Variants in ARFIP1 observed in about 807,000 individuals in gnomAD.
ARFIP1 encodes the protein arfaptin-1.
Under a neutral mutation model 42.5 loss-of-function variants are expected in ARFIP1, and 24 were observed. The observed-to-expected ratio is 0.57, with a 90% CI of 0.41 to 0.80. The LOEUF (loss-of-function observed/expected upper bound fraction) is 0.80. Ranked by LOEUF, ARFIP1 falls within the 30% of genes least tolerant of loss-of-function variation. ARFIP1 has a pLI of 0.00. For missense variants in ARFIP1, 354 were observed against 434.0 expected, an observed-to-expected ratio of 0.82 and a Z score of 1.64; for synonymous variants, 141 against 153.7, an observed-to-expected ratio of 0.92 and a Z score of 0.61.
chr4:152,887,800 T>C (rs889721037), intron 7 of ARFIP1, among the ~76,000 whole-genome samples: 2 of 152,086 alleles, frequency 1.3e-5, no homozygotes, highest in Non-Finnish European at 2.9e-5. Flanking sequence ...TAATCAGTAC[T>C]AAGCAATTCA....
chr4:152,861,114 A>C, intron 2 of ARFIP1, among the ~76,000 whole-genome samples: 1 of 152,224 alleles, frequency 6.6e-6, no homozygotes. Flanking sequence ...TGTGTACTTA[A>C]TTTAAAATCA....
intron 1 of ARFIP1, among the ~76,000 whole-genome samples, chr4:152,795,819 A>ATTTTTTT (rs1255846759): frequency 1.8e-4 from 3 of 16,774 alleles, no homozygotes; most frequent in Non-Finnish European, 3.5e-4. Context: ...GGGCCCTTGT[A>ATTTTTTT]ATTTTTTTTT....
At chr4:152,849,091 T>C (rs1732784504) in intron 2 of ARFIP1, among the ~76,000 whole-genome samples, 1 of 152,208 alleles carries the variant, frequency 6.6e-6, no homozygotes, top group Non-Finnish European at 1.5e-5. Context: ...TAGGCTATAC[T>C]TTTAATACTA....
intron 2 of ARFIP1, among the ~76,000 whole-genome samples, chr4:152,855,421 T>C (rs548295467): frequency 4.6e-5 from 7 of 152,274 alleles, no homozygotes; most frequent in Non-Finnish European, 7.4e-5. Flanking sequence ...GCACTTCCAC[T>C]GGAGAGGGTG....
At chr4:152,875,676 TA>T (rs1735271164) in intron 5 of ARFIP1, among the ~76,000 whole-genome samples, 2 of 152,162 alleles carry the variant, frequency 1.3e-5, no homozygotes, top group Non-Finnish European at 2.9e-5. Context: ...ATTGTTGCCA[TA>T]AGTTTATTCT....
At chr4:152,836,357 A>G (rs745517709) in intron 2 of ARFIP1, among the ~76,000 whole-genome samples, 9 of 152,348 alleles carry the variant, frequency 5.9e-5, no homozygotes, top group Middle Eastern at 3.4e-3. Flanking sequence ...ATCCTTTCAT[A>G]GTATAAATGT....
intron 8 of ARFIP1, among the ~76,000 whole-genome samples, chr4:152,900,597 A>G (rs1282816686): frequency 1.3e-4 from 20 of 152,204 alleles, no homozygotes; most frequent in Admixed American, 1.2e-3. Context: ...TAGTTGCTTT[A>G]ACATGACAGG....
chr4:152,841,864 T>C (rs1402456243), intron 2 of ARFIP1, among the ~76,000 whole-genome samples: 2 of 152,156 alleles, frequency 1.3e-5, no homozygotes, highest in East Asian at 1.9e-4. Context: ...CATGCTCCGA[T>C]GTTAATGACA....
intron 2 of ARFIP1, among the ~76,000 whole-genome samples, chr4:152,839,528 A>C (rs1578905624): frequency 6.6e-6 from 1 of 152,174 alleles, no homozygotes. Flanking sequence ...TTTTCCAGAA[A>C]TGTATCCACC....
chr4:152,860,595 AACT>A (rs898091871), intron 2 of ARFIP1, among the ~76,000 whole-genome samples: 29 of 152,330 alleles, frequency 1.9e-4, no homozygotes, highest in African/African-American at 6.7e-4. Context: ...TTTTGCTTTC[AACT>A]ACTATTAGTA....
intron 1 of ARFIP1, among the ~76,000 whole-genome samples, chr4:152,797,228 C>T (rs1731523644): frequency 6.6e-6 from 1 of 152,112 alleles, no homozygotes; most frequent in Non-Finnish European, 1.5e-5. Flanking sequence ...TTGAAAAGTC[C>T]ATCTGTACTT....
At chr4:152,838,135 C>T (rs183835997) in intron 2 of ARFIP1, among the ~76,000 whole-genome samples, 140 of 152,206 alleles carry the variant, frequency 9.2e-4, no homozygotes, top group African/African-American at 3.1e-3. Context: ...CATTGGTCTA[C>T]ATGCCTATCT....
chr4:152,836,349 C>T (rs1005967253), intron 2 of ARFIP1, among the ~76,000 whole-genome samples: 1 of 152,018 alleles, frequency 6.6e-6, no homozygotes, highest in Non-Finnish European at 1.5e-5. Context: ...GATTGGTAAT[C>T]CTTTCATAGT....
intron 2 of ARFIP1, among the ~76,000 whole-genome samples, chr4:152,855,719 A>C (rs1343637792): frequency 6.6e-6 from 1 of 152,154 alleles, no homozygotes; most frequent in Non-Finnish European, 1.5e-5. Flanking sequence ...GCCATCACAC[A>C]ATCTCCTGGC....
intron 8 of ARFIP1, among the ~76,000 whole-genome samples, chr4:152,895,328 G>A (rs1030284887): frequency 2.0e-5 from 3 of 152,128 alleles, no homozygotes; most frequent in African/African-American, 7.2e-5. Flanking sequence ...TGCATAATTA[G>A]CACCTTTCAC....
chr4:152,870,939 T>G, intron 4 of ARFIP1, 91 bp downstream of exon 4: 1 of 1,106,014 alleles, frequency 9.0e-7, no homozygotes, highest in East Asian at 2.6e-5. Flanking sequence ...CTTTATATTC[T>G]TAGGTGTGTG....
intron 1 of ARFIP1, among the ~76,000 whole-genome samples, chr4:152,805,430 T>C (rs62319865): frequency 0.043 from 6,610 of 152,348 alleles, 180 homozygotes; most frequent in South Asian, 0.11. Context: ...AATGACGGCA[T>C]CATTGCTTAA....
chr4:152,804,061 C>G (rs1376331836), intron 1 of ARFIP1, among the ~76,000 whole-genome samples: 9 of 111,882 alleles, frequency 8.0e-5, no homozygotes, highest in East Asian at 2.4e-4. Context: ...TATAATATAA[C>G]ATGTAATATA....
At chr4:152,824,455 C>T (rs781438090) in intron 1 of ARFIP1, among the ~76,000 whole-genome samples, 4 of 152,098 alleles carry the variant, frequency 2.6e-5, no homozygotes, top group African/African-American at 4.8e-5. Context: ...ATGATCATCT[C>T]AATAAATGCA....
Sources: allele counts gnomAD v4.1 joint callset (sites outside exome capture counted in the v4.1 genomes callset), GRCh38; gene constraint gnomAD v4.1.1; transcripts MANE v1.5; gene names NCBI Gene and HGNC (gene_info 2026-07-23, HGNC 2026-07-21).